The following TSHZ3 variants were observed in gnomAD, a reference collection of about 807,000 sequenced individuals.
TSHZ3 encodes teashirt zinc finger homeobox 3, also known as teashirt homolog 3.
TSHZ3 carries 10 observed loss-of-function variants against 64.5 expected under a neutral mutation model. The ratio of observed to expected loss-of-function variants is 0.16; its 90% confidence interval spans 0.10 to 0.26. TSHZ3 has a LOEUF of 0.26. Among genes scored for constraint, TSHZ3 ranks in the 10% least tolerant of loss-of-function variants. The probability of loss-of-function intolerance (pLI) is 1.00; values close to 1 mark genes in which losing one functional copy is unlikely to be tolerated. For missense variants in TSHZ3, 1,242 were observed against 1,421.7 expected, an observed-to-expected ratio of 0.87 and a Z score of 2.03; for synonymous variants, 608 against 593.1, an observed-to-expected ratio of 1.03 and a Z score of -0.36.
intron 5 of TSHZ3, among the ~76,000 whole-genome samples, chr19:31,181,386 G>A (rs1974711436): frequency 1.3e-5 from 2 of 152,140 alleles, no homozygotes; most frequent in African/African-American, 4.8e-5. Context: ...CAGGGGTCAT[G>A]TTATCTGTTT....
intron 1 of TSHZ3, among the ~76,000 whole-genome samples, chr19:31,309,067 C>A (rs931907778): frequency 1.9e-4 from 29 of 152,372 alleles, no homozygotes; most frequent in African/African-American, 6.3e-4. Flanking sequence ...TGCCCAGCTG[C>A]CTCTGCAACA....
intron 1 of TSHZ3, among the ~76,000 whole-genome samples, chr19:31,248,540 G>GGTCCCTGCCTGTC (rs1975788246): frequency 6.6e-6 from 1 of 151,944 alleles, no homozygotes; most frequent in African/African-American, 2.4e-5. Context: ...CGGGAGCAGT[G>GGTCCCTGCCTGTC]GTCCCTGCCT....
intron 4 of TSHZ3, among the ~76,000 whole-genome samples, chr19:31,220,695 T>C (rs1178760867): frequency 1.3e-5 from 2 of 152,200 alleles, no homozygotes; most frequent in Admixed American, 1.3e-4. Flanking sequence ...GGGTAGGTTT[T>C]TAAAGGGCCA....
chr19:31,215,272 T>C (rs938999506), intron 4 of TSHZ3, among the ~76,000 whole-genome samples: 41 of 152,222 alleles, frequency 2.7e-4, no homozygotes, highest in Non-Finnish European at 5.6e-4. Context: ...CAGAATCATC[T>C]GTCATAAATT....
chr19:31,157,672 A>G (rs1256054269), intron 5 of TSHZ3, among the ~76,000 whole-genome samples: 2 of 152,240 alleles, frequency 1.3e-5, no homozygotes, highest in Admixed American at 6.5e-5. Flanking sequence ...TAAGTACAGG[A>G]AAGTGGCACA....
At chr19:31,235,861 T>C (rs1026481951) in intron 3 of TSHZ3, among the ~76,000 whole-genome samples, 6 of 151,872 alleles carry the variant, frequency 4.0e-5, no homozygotes, top group African/African-American at 9.7e-5. Flanking sequence ...ATTACAGGAA[T>C]GCACCAACAC....
At chr19:31,198,604 CAA>C (rs1431440357) in intron 5 of TSHZ3, among the ~76,000 whole-genome samples, 1 of 151,976 alleles carries the variant, frequency 6.6e-6, no homozygotes, top group Non-Finnish European at 1.5e-5. Context: ...GGTTAATACA[CAA>C]AAGTCTATTG....
intron 4 of TSHZ3, among the ~76,000 whole-genome samples, chr19:31,218,866 A>G (rs1975365462): frequency 6.6e-6 from 1 of 152,212 alleles, no homozygotes; most frequent in Non-Finnish European, 1.5e-5. Flanking sequence ...ATTATTTTCT[A>G]AAGTGTCATG....
At chr19:31,283,312 A>G (rs374710255) in intron 1 of TSHZ3, among the ~76,000 whole-genome samples, 40 of 152,310 alleles carry the variant, frequency 2.6e-4, no homozygotes, top group African/African-American at 9.6e-4. Context: ...TAGCCTGGGC[A>G]ACAAAGCAAA....
chr19:31,346,533 G>A (rs1917597148), intron 1 of TSHZ3, among the ~76,000 whole-genome samples: 2 of 152,102 alleles, frequency 1.3e-5, no homozygotes, highest in African/African-American at 4.8e-5. Flanking sequence ...CTTTTTTTAT[G>A]GCTGAGCGGA....
intron 5 of TSHZ3, among the ~76,000 whole-genome samples, chr19:31,198,798 G>A (rs1048019251): frequency 6.6e-6 from 1 of 152,052 alleles, no homozygotes; most frequent in Admixed American, 6.5e-5. Context: ...TAAATAAAGA[G>A]GTATTCATAT....
intron 1 of TSHZ3, among the ~76,000 whole-genome samples, chr19:31,346,427 G>A (rs1198942482): frequency 1.3e-5 from 2 of 152,192 alleles, no homozygotes; most frequent in African/African-American, 2.4e-5. Context: ...ATGACACTGC[G>A]TCGAGCTTGT....
Position 31,349,192 on chromosome 19 carries a change from G to T in TSHZ3, c.28C>A (p.Arg10=). 1 of 1,542,356 alleles carries T rather than the reference G, an allele frequency of 6.5e-7. No homozygotes were observed. Among genetic ancestry groups the T allele is most frequent in the South Asian group, 1.2e-5 (1 of 83,170 alleles). The stretch of plus-strand genomic sequence containing the variant: ...AAGCGGCTCGTACCTGCTGCGCGCC[G>T]GGGCGCCTGCTGCTTCCTCCTCGGC... The part of the protein sequence containing the change: MPRRKQQAP[R]RAAAYVSEEL... The change falls in exon 1 of 2, where the codon CGG becomes AGG. Residue 10 remains arginine, a synonymous_variant. Transcript: ENST00000240587.
chr19:31,268,911 C>A (rs141420933), intron 1 of TSHZ3, among the ~76,000 whole-genome samples: 1 of 152,150 alleles, frequency 6.6e-6, no homozygotes, highest in Non-Finnish European at 1.5e-5. Flanking sequence ...CCCAGTTCAA[C>A]AGACACAGTC....
chr19:31,303,177 G>GACAACATCAGATTCCTA (rs1272109196), intron 1 of TSHZ3, among the ~76,000 whole-genome samples: 1 of 152,198 alleles, frequency 6.6e-6, no homozygotes, highest in African/African-American at 2.4e-5. Context: ...GGGTGGGGTT[G>GACAACATCAGATTCCTA]ACAACATCAG....
chr19:31,301,858 TC>T, intron 1 of TSHZ3, among the ~76,000 whole-genome samples: 1 of 152,212 alleles, frequency 6.6e-6, no homozygotes, highest in Non-Finnish European at 1.5e-5. Context: ...CAAAGGCCCC[TC>T]ATACCCACCC....
intron 5 of TSHZ3, among the ~76,000 whole-genome samples, chr19:31,194,683 A>C (rs1974959566): frequency 6.6e-6 from 1 of 152,228 alleles, no homozygotes; most frequent in African/African-American, 2.4e-5. Flanking sequence ...TCAAGAGAAA[A>C]GTACAAGGCA....
chr19:31,349,147 AGG>A lies in TSHZ3; in HGVS notation c.40+31_40+32del. ...GCGGGGCGAGCGGAGGAAGAGGAGG[AGG>A]AGAGCAGAAGGAAGGGGAAGCGGCT... is the stretch of plus-strand genomic sequence containing the variant. On this transcript the variant is annotated intron_variant, in intron 1 of 1. Coordinates refer to ENST00000240587, the MANE Select transcript of TSHZ3 (RefSeq NM_020856.4). 3.3e-6 allele frequency: 5 copies of A among 1,537,888 alleles called. No individual in the cohort carries two copies. In the South Asian group the frequency reaches 6.0e-5, roughly 19 times the overall value.
intron 1 of TSHZ3, among the ~76,000 whole-genome samples, chr19:31,332,322 T>C (rs1334564615): frequency 6.6e-6 from 1 of 152,176 alleles, no homozygotes; most frequent in Non-Finnish European, 1.5e-5. Context: ...TTAATACCCC[T>C]GGAATGTATA....
Sources: allele counts gnomAD v4.1 joint callset (sites outside exome capture counted in the v4.1 genomes callset), GRCh38; gene constraint gnomAD v4.1.1; transcripts MANE v1.5; gene names NCBI Gene and HGNC (gene_info 2026-07-23, HGNC 2026-07-21).